MED13L: variants seen among roughly 807,000 people sequenced by gnomAD.
MED13L encodes the protein mediator of RNA polymerase II transcription subunit 13-like.
Under a neutral mutation model 220.9 loss-of-function variants are expected in MED13L, and 7 were observed. That is an observed-to-expected ratio of 0.03 (90% CI 0.02 to 0.06). The LOEUF (loss-of-function observed/expected upper bound fraction) is 0.06, where lower values mean the gene tolerates loss of function less well. Among genes scored for constraint, MED13L ranks in the 10% least tolerant of loss-of-function variants. The pLI is 1.00. For synonymous variants in MED13L, 1,011 were observed against 1,015.2 expected, an observed-to-expected ratio of 1.00 and a Z score of 0.08; for missense variants, 1,965 against 2,760.5, an observed-to-expected ratio of 0.71 and a Z score of 6.46.
At chr12:116,034,537 TAC>T (rs903674168) in intron 4 of MED13L, among the ~76,000 whole-genome samples, 1 of 152,192 alleles carries the variant, frequency 6.6e-6, no homozygotes, top group African/African-American at 2.4e-5. Context: ...TGGAGAATAA[TAC>T]AGTGTTGACT....
At chr12:116,119,545 A>C (rs899474861) in intron 2 of MED13L, among the ~76,000 whole-genome samples, 2 of 152,188 alleles carry the variant, frequency 1.3e-5, no homozygotes, top group Admixed American at 1.3e-4. Context: ...ACATGAGAAA[A>C]CTAACACTTA....
At chr12:116,173,021 C>T (rs145962628) in intron 2 of MED13L, among the ~76,000 whole-genome samples, 105 of 145,402 alleles carry the variant, frequency 7.2e-4, no homozygotes, top group African/African-American at 2.4e-3. Context: ...TCACAGAAGA[C>T]ATTACATACT....
At chr12:115,969,705 A>G (rs1334645385) in intron 27 of MED13L, among the ~76,000 whole-genome samples, 2 of 151,366 alleles carry the variant, frequency 1.3e-5, no homozygotes, top group African/African-American at 4.9e-5. Flanking sequence ...TGTATTTTTC[A>G]TAGAGATGGG....
chr12:116,264,704 A>T (rs947583474), intron 1 of MED13L, among the ~76,000 whole-genome samples: 3 of 152,072 alleles, frequency 2.0e-5, no homozygotes, highest in Non-Finnish European at 4.4e-5. Context: ...CTTTCCTTGT[A>T]TCTTCCATCT....
At chr12:116,247,689 G>GTATA (rs10685049) in intron 1 of MED13L, among the ~76,000 whole-genome samples, 9 of 151,764 alleles carry the variant, frequency 5.9e-5, no homozygotes, top group South Asian at 4.2e-4. Flanking sequence ...AGATGCTAAC[G>GTATA]TATATATATA....
At chr12:116,162,591 CAT>C (rs760029250) in intron 2 of MED13L, among the ~76,000 whole-genome samples, 59 of 152,294 alleles carry the variant, frequency 3.9e-4, no homozygotes, top group East Asian at 2.3e-3. Flanking sequence ...AATGTTATCA[CAT>C]GTTTCCAACT....
At chr12:116,087,743 C>CA (rs901922946) in intron 4 of MED13L, among the ~76,000 whole-genome samples, 2 of 150,978 alleles carry the variant, frequency 1.3e-5, no homozygotes, top group African/African-American at 2.4e-5. Flanking sequence ...CCTCATTCTG[C>CA]AAAAAAAAGT....
intron 2 of MED13L, among the ~76,000 whole-genome samples, chr12:116,170,722 T>C (rs1879622460): frequency 1.3e-5 from 2 of 151,078 alleles, no homozygotes; most frequent in South Asian, 4.2e-4. Flanking sequence ...GGCCTAAGCC[T>C]CCTGAGTAGC....
At position 115,970,812 on chromosome 12, in the gene MED13L, C is replaced by G. The variant is rs141073828; in HGVS notation, c.5891-42G>C. On this transcript the variant is annotated intron_variant, in intron 26 of 30. Coordinates refer to ENST00000281928, the MANE Select transcript of MED13L (RefSeq NM_015335.5). Reference sequence around the variant, plus strand: ...AGAATTATATCAATCAATGAACAACCCCAGAAATGAGGTTTTCAGAGGGCC... The same window carrying G: ...AGAATTATATCAATCAATGAACAACGCCAGAAATGAGGTTTTCAGAGGGCC... 4,947 of 1,583,624 alleles carry G rather than the reference C, an allele frequency of 3.1e-3. 10 individuals carry two copies. Among genetic ancestry groups the G allele is most frequent in the Non-Finnish European group, 4.1e-3 (4,708 of 1,160,810 alleles).
chr12:116,108,902 A>G (rs1050105301), intron 3 of MED13L, among the ~76,000 whole-genome samples: 1 of 152,150 alleles, frequency 6.6e-6, no homozygotes, highest in African/African-American at 2.4e-5. Context: ...TCTATCATCT[A>G]GCAAAAGCTC....
intron 19 of MED13L, 92 bp downstream of exon 19, chr12:115,986,174 C>G: frequency 7.5e-7 from 1 of 1,339,282 alleles, no homozygotes; most frequent in Non-Finnish European, 1.1e-6. Flanking sequence ...CTGAGATTTA[C>G]TTTCAAGACA....
chr12:116,189,221 G>C (rs57465027), intron 2 of MED13L, among the ~76,000 whole-genome samples: 26,125 of 152,116 alleles, frequency 0.17, 2,473 homozygotes, highest in Middle Eastern at 0.27. Context: ...GGTGTGTAAT[G>C]ATAGTTCACT....
At chr12:116,118,060 C>CA (rs1430458311) in intron 2 of MED13L, among the ~76,000 whole-genome samples, 2 of 152,200 alleles carry the variant, frequency 1.3e-5, no homozygotes, top group East Asian at 3.8e-4. Flanking sequence ...CCTTCTGCCT[C>CA]AGACTCCCAA....
At chr12:116,207,328 CACAA>C (rs1882400651) in intron 2 of MED13L, among the ~76,000 whole-genome samples, 2 of 152,102 alleles carry the variant, frequency 1.3e-5, no homozygotes, top group Admixed American at 6.5e-5. Context: ...TGTTCGGAAA[CACAA>C]ACACTTACCA....
intron 2 of MED13L, among the ~76,000 whole-genome samples, chr12:116,204,583 T>C (rs940728619): frequency 2.0e-5 from 3 of 152,210 alleles, no homozygotes; most frequent in African/African-American, 7.2e-5. Flanking sequence ...TGTCATGACT[T>C]TTAATATAAT....
At chr12:115,981,040 T>C (rs981283182) in intron 22 of MED13L, 102 bp from the exon 23 acceptor site, 4 of 929,558 alleles carry the variant, frequency 4.3e-6, no homozygotes, top group African/African-American at 1.7e-5. Flanking sequence ...ATGAATTCCT[T>C]ACCACAATGG....
chr12:116,083,774 C>T (rs1871401136), intron 4 of MED13L, among the ~76,000 whole-genome samples: 1 of 152,274 alleles, frequency 6.6e-6, no homozygotes, highest in Middle Eastern at 3.4e-3. Flanking sequence ...CCTCTGCCTC[C>T]CTTCACCTGG....
chr12:116,223,517 G>C (rs778876719), intron 2 of MED13L, among the ~76,000 whole-genome samples: 1 of 151,864 alleles, frequency 6.6e-6, no homozygotes, highest in East Asian at 1.9e-4. Context: ...AGAATCAGCC[G>C]AACATGGCGA....
Position 115,984,240 on chromosome 12 carries a change from C to T in MED13L, c.4471G>A (p.Glu1491Lys), listed in dbSNP as rs757111256. ...AGTCTGGAATGATTGTCATTCTCCT[C>T]GCCGCTCCAAGGCTGGTTAAACCAC... ...SEWFNQPWSG[E>K]ENDNHSRLKL... Residue 1491 changes from glutamate to lysine, a missense_variant, in exon 20 of 31, where the codon GAG becomes AAG. Around this residue, in one of 10 missense-constraint regions of MED13L, gnomAD observed 510 missense variants for 620.4 expected, o/e 0.82. Coordinates refer to ENST00000281928, the MANE Select transcript of MED13L (RefSeq NM_015335.5). 17 of 1,613,978 alleles carry T rather than the reference C, an allele frequency of 1.1e-5. No homozygotes were observed. The highest frequency in any genetic ancestry group is 1.4e-5 in the Non-Finnish European group (16 of 1,179,968).
Sources: allele counts gnomAD v4.1 joint callset (sites outside exome capture counted in the v4.1 genomes callset), GRCh38; gene constraint gnomAD v4.1.1; regional missense constraint gnomAD v4.1.1; transcripts MANE v1.5; gene names NCBI Gene and HGNC (gene_info 2026-07-23, HGNC 2026-07-21).